The following MEGF10 variants were observed in gnomAD, a reference collection of about 807,000 sequenced individuals.
The protein encoded by MEGF10 is multiple epidermal growth factor-like domains protein 10.
MEGF10 carries 86 observed loss-of-function variants against 147.5 expected under a neutral mutation model. That is an observed-to-expected ratio of 0.58 (90% CI 0.49 to 0.70). The LOEUF (loss-of-function observed/expected upper bound fraction) is 0.70. Among genes scored for constraint, MEGF10 ranks in the 30% least tolerant of loss-of-function variants. The pLI is 0.00. For synonymous variants in MEGF10, 478 were observed against 525.5 expected (o/e 0.91, Z 1.24); for missense variants, 1,329 against 1,487.3 (o/e 0.89, Z 1.75).
intron 4 of MEGF10, among the ~76,000 whole-genome samples, chr5:127,341,888 G>T (rs1292032702): frequency 6.6e-6 from 1 of 152,038 alleles, no homozygotes; most frequent in East Asian, 1.9e-4. Context: ...TACTCTAAAG[G>T]ACATCATTGT....
chr5:127,314,918 T>G (rs1760459097), intron 1 of MEGF10, among the ~76,000 whole-genome samples: 5 of 152,130 alleles, frequency 3.3e-5, no homozygotes. Flanking sequence ...ATGTATTCAT[T>G]GTGATGGGGT....
intron 16 of MEGF10, among the ~76,000 whole-genome samples, chr5:127,436,123 TG>T (rs1317951376): frequency 1.3e-5 from 2 of 152,234 alleles, no homozygotes; most frequent in African/African-American, 4.8e-5. Flanking sequence ...AAATAGCATA[TG>T]TATGGAGTAA....
the MEGF10 span, among the ~76,000 whole-genome samples, chr5:127,245,928 T>C: frequency 2.0e-5 from 3 of 152,182 alleles, no homozygotes; most frequent in Non-Finnish European, 4.4e-5. Flanking sequence ...CCAGTTAGAA[T>C]GGTGATCATT....
Position 127,405,197 on chromosome 5 carries a change from T to G in MEGF10, c.917+2515T>G, listed in dbSNP as rs1043987082. 3.3e-5 allele frequency among the ~76,000 whole-genome samples: 5 copies of G among 152,290 alleles called. No homozygotes were observed. The East Asian group carries it at 9.6e-4, about 29-fold the overall frequency. ...TGCTGTTTACAAGCTGCATAAATAT[T>G]AGCTATCATTATTTTTTATGATGTC... On this transcript the variant is annotated intron_variant, in intron 8 of 24. Transcript: ENST00000503335.
At chr5:127,408,569 C>T (rs1188059503) in intron 8 of MEGF10, among the ~76,000 whole-genome samples, 2 of 152,156 alleles carry the variant, frequency 1.3e-5, no homozygotes, top group African/African-American at 4.8e-5. Context: ...AATAGGTGTA[C>T]CCATGTATAA....
intron 13 of MEGF10, among the ~76,000 whole-genome samples, chr5:127,431,086 C>T (rs1261211531): frequency 6.6e-6 from 1 of 152,156 alleles, no homozygotes; most frequent in African/African-American, 2.4e-5. Flanking sequence ...ATGAAACAAG[C>T]TTATCTCTGC....
At chr5:127,377,534 G>A (rs952294692) in intron 5 of MEGF10, among the ~76,000 whole-genome samples, 3 of 152,174 alleles carry the variant, frequency 2.0e-5, no homozygotes, top group African/African-American at 7.2e-5. Context: ...ATCCCTAGGA[G>A]GCAAGACTAG....
At chr5:127,248,867 TGTCTTTTAAA>T in the MEGF10 span, among the ~76,000 whole-genome samples, 1 of 151,332 alleles carries the variant, frequency 6.6e-6, no homozygotes, top group East Asian at 1.9e-4. Context: ...CAAAGCAGTA[TGTCTTTTAAA>T]GTATTCTTCA....
intron 1 of MEGF10, among the ~76,000 whole-genome samples, chr5:127,314,299 A>G (rs998803150): frequency 6.6e-6 from 1 of 152,146 alleles, no homozygotes; most frequent in Admixed American, 6.5e-5. Context: ...TTGATCATCT[A>G]TATATTCTTG....
At chr5:127,452,495 A>G (rs1223755349) in intron 22 of MEGF10, among the ~76,000 whole-genome samples, 1 of 152,142 alleles carries the variant, frequency 6.6e-6, no homozygotes, top group Non-Finnish European at 1.5e-5. Context: ...GATCACCAAG[A>G]CGACCCTCAG....
chr5:127,245,711 T>C, the MEGF10 span, among the ~76,000 whole-genome samples: 1 of 152,184 alleles, frequency 6.6e-6, no homozygotes, highest in Admixed American at 6.5e-5. Flanking sequence ...ACTATCCATC[T>C]GACAAAGGGC....
chr5:127,287,330 A>G (rs985612981), upstream of MEGF10, among the ~76,000 whole-genome samples: 1 of 152,018 alleles, frequency 6.6e-6, no homozygotes, highest in Admixed American at 6.5e-5. Flanking sequence ...CAGAGCATGT[A>G]GAAAATCCTA....
chr5:127,423,330 A>G (rs932139335), intron 13 of MEGF10, among the ~76,000 whole-genome samples: 2 of 152,140 alleles, frequency 1.3e-5, no homozygotes, highest in Non-Finnish European at 2.9e-5. Flanking sequence ...GTTTCTCCTT[A>G]TTTATATAGC....
chr5:127,322,965 ATG>A (rs1760849063), intron 1 of MEGF10, among the ~76,000 whole-genome samples: 1 of 152,032 alleles, frequency 6.6e-6, no homozygotes, highest in East Asian at 1.9e-4. Flanking sequence ...TACACATACA[ATG>A]TGTGTATATA....
intron 1 of MEGF10, among the ~76,000 whole-genome samples, chr5:127,295,642 A>G (rs1759463704): frequency 6.6e-6 from 1 of 152,188 alleles, no homozygotes; most frequent in South Asian, 2.1e-4. Context: ...AAAATAAACA[A>G]CATAAAAAGT....
chr5:127,455,675 GAATAT>G, intron 24 of MEGF10, 68 bp downstream of exon 24: 1 of 1,221,930 alleles, frequency 8.2e-7, no homozygotes, highest in Non-Finnish European at 1.2e-6. Context: ...AAGTCTTTAC[GAATAT>G]AATAGTTGCA....
the MEGF10 span, among the ~76,000 whole-genome samples, chr5:127,244,999 A>C: frequency 6.6e-6 from 1 of 152,336 alleles, no homozygotes; most frequent in African/African-American, 2.4e-5. Flanking sequence ...ATGGATGGGA[A>C]GAATCAATAT....
At chr5:127,319,139 G>A (rs1760691383) in intron 1 of MEGF10, among the ~76,000 whole-genome samples, 1 of 147,064 alleles carries the variant, frequency 6.8e-6, no homozygotes, top group African/African-American at 2.5e-5. Flanking sequence ...GCAGTGGTAT[G>A]ATCTCGGCTC....
chr5:127,341,691 A>G (rs1761690384), intron 4 of MEGF10, among the ~76,000 whole-genome samples: 1 of 152,224 alleles, frequency 6.6e-6, no homozygotes, highest in South Asian at 2.1e-4. Context: ...CATAGAAAGA[A>G]AAATTAGAAT....
Sources: allele counts gnomAD v4.1 joint callset (sites outside exome capture counted in the v4.1 genomes callset), GRCh38; gene constraint gnomAD v4.1.1; transcripts MANE v1.5; gene names NCBI Gene and HGNC (gene_info 2026-07-23, HGNC 2026-07-21).